THSD4: variants seen among roughly 807,000 people sequenced by gnomAD.
THSD4 encodes the protein thrombospondin type 1 domain containing 4, also known as thrombospondin type-1 domain-containing protein 4.
A neutral mutation model predicts 119.0 loss-of-function variants in THSD4; 69 were observed. That is an observed-to-expected ratio of 0.58 (90% CI 0.48 to 0.71). THSD4 has a LOEUF of 0.71. Ranked by LOEUF, THSD4 falls within the 30% of genes least tolerant of loss-of-function variation. The pLI is 0.00. For missense variants in THSD4, 1,393 were observed against 1,391.1 expected (o/e 1.00, Z -0.02); for synonymous variants, 524 against 540.4 (o/e 0.97, Z 0.42).
chr15:71,563,319 T>G (rs1316901197), intron 7 of THSD4, among the ~76,000 whole-genome samples: 1 of 152,154 alleles, frequency 6.6e-6, no homozygotes. Context: ...AAATCTCGGA[T>G]AGTAAAGACT....
At chr15:71,346,124 C>CTT (rs931876563) in intron 6 of THSD4, among the ~76,000 whole-genome samples, 3 of 87,180 alleles carry the variant, frequency 3.4e-5, no homozygotes, top group African/African-American at 1.0e-4. Context: ...GTTGTCGCAT[C>CTT]TCTGGTCTCC....
At chr15:71,698,298 ACT>A (rs941903155) in intron 8 of THSD4, among the ~76,000 whole-genome samples, 12 of 152,058 alleles carry the variant, frequency 7.9e-5, no homozygotes, top group Non-Finnish European at 1.8e-4. Flanking sequence ...AGAAGAATAA[ACT>A]CTATTAGAGT....
intron 2 of THSD4, among the ~76,000 whole-genome samples, chr15:71,142,139 G>A (rs1169295952): frequency 6.6e-6 from 1 of 152,116 alleles, no homozygotes; most frequent in Non-Finnish European, 1.5e-5. Context: ...GACTGAATCT[G>A]GTATTTTAAA....
Position 71,765,087 on chromosome 15 carries a change from C to T in THSD4, c.2657C>T (p.Thr886Ile), listed in dbSNP as rs1474783358. The change falls in exon 16 of 18, where the codon ACC (threonine) becomes ATC (isoleucine). Residue 886 changes from threonine (T) to isoleucine (I), a missense_variant. Physicochemically the swap from Thr to Ile is moderately conservative, Grantham distance 89 (BLOSUM62 -1). Transcript: ENST00000261862. ...EVICVRKNAD[T>I]FEVLDPSECS... Reference sequence around the variant, plus strand: ...ATTTGTGTTAGAAAGAATGCAGACACCTTTGAAGTGTTGGACCCCTCTGAA... The same window carrying T: ...ATTTGTGTTAGAAAGAATGCAGACATCTTTGAAGTGTTGGACCCCTCTGAA... 1 of 1,614,258 alleles carries T rather than the reference C, an allele frequency of 6.2e-7. No homozygotes were observed.
chr15:71,225,539 C>A (rs201997681), intron 4 of THSD4, among the ~76,000 whole-genome samples: 1 of 105,368 alleles, frequency 9.5e-6, no homozygotes, highest in Non-Finnish European at 2.0e-5. Flanking sequence ...TTTTCTTTTT[C>A]TTTTTTTTTT....
At chr15:71,107,824 G>A (rs140660776) in intron 1 of THSD4, among the ~76,000 whole-genome samples, 192 of 152,322 alleles carry the variant, frequency 1.3e-3, no homozygotes, top group Non-Finnish European at 2.2e-3. Context: ...TCCCCCTTGA[G>A]AGAATTCAGC....
chr15:71,754,846 T>C (rs937957281), intron 14 of THSD4, among the ~76,000 whole-genome samples: 3 of 152,104 alleles, frequency 2.0e-5, no homozygotes, highest in Non-Finnish European at 2.9e-5. Context: ...AGGGATTATA[T>C]ACCATTTTAA....
In THSD4 at chr15:71,511,157, C is replaced by T. The variant is rs541974487; in HGVS notation, c.1152+99334C>T. 3.2e-3 allele frequency among the ~76,000 whole-genome samples: 484 copies of T among 152,102 alleles called. 6 individuals are homozygous for T. Among genetic ancestry groups the T allele is most frequent in the South Asian group, 0.016 (77 of 4,812 alleles). On this transcript the variant is annotated intron_variant, in intron 7 of 17. Coordinates refer to ENST00000261862, the MANE Select transcript of THSD4 (RefSeq NM_024817.3). ...GGAAAGGGCACCAAATAATGGGAAA[C>T]AGAGAGAACAAAGAGGAAGGGGGAA...
At chr15:71,743,437 C>T (rs1567131265) in intron 11 of THSD4, among the ~76,000 whole-genome samples, 1 of 152,170 alleles carries the variant, frequency 6.6e-6, no homozygotes, top group Non-Finnish European at 1.5e-5. Context: ...TAGCCGGGTC[C>T]CACTGCAAGC....
intron 7 of THSD4, among the ~76,000 whole-genome samples, chr15:71,599,381 A>T (rs995911486): frequency 2.0e-5 from 3 of 152,046 alleles, no homozygotes; most frequent in Admixed American, 6.6e-5. Context: ...TTCCTGTCTA[A>T]CTATTTTTTC....
chr15:71,098,943 C>A (rs962654178), intron 1 of THSD4, among the ~76,000 whole-genome samples: 2 of 152,156 alleles, frequency 1.3e-5, no homozygotes, highest in Non-Finnish European at 2.9e-5. Context: ...CTGATCCAAT[C>A]AAACTTGCTT....
intron 7 of THSD4, among the ~76,000 whole-genome samples, chr15:71,528,029 A>C (rs558193078): frequency 6.6e-6 from 1 of 152,154 alleles, no homozygotes; most frequent in South Asian, 2.1e-4. Flanking sequence ...TAAACTCTTC[A>C]TGTCTTGCCT....
In THSD4 at chr15:71,442,587, T is replaced by A. The variant is rs1334789460; in HGVS notation, c.1152+30764T>A. Among the ~76,000 whole-genome samples, 144 of 30,122 alleles carry A rather than the reference T, an allele frequency of 4.8e-3. 17 individuals carry two copies. Among genetic ancestry groups the A allele is most frequent in the African/African-American group, 8.1e-3 (108 of 13,346 alleles). 19.8% of individuals were successfully genotyped at this position (30,122 alleles called of 152,430 possible). A position where few individuals can be genotyped will look rare whatever the true frequency, so the allele number is the denominator to read the frequency against. Reference sequence around the variant, plus strand: ...CCATCTCAAAAAAAAAAAATATATATATATATATATATATGTGTGTGTGTG... The same window carrying A: ...CCATCTCAAAAAAAAAAAATATATAAATATATATATATATGTGTGTGTGTG... On this transcript the variant is annotated intron_variant, in intron 7 of 17. Coordinates refer to ENST00000261862, the MANE Select transcript of THSD4 (RefSeq NM_024817.3).
chr15:71,188,876 G>A (rs1441872448), intron 3 of THSD4: 4 of 152,612 alleles, frequency 2.6e-5, no homozygotes, highest in Non-Finnish European at 5.9e-5. Context: ...GGGAGTGAGT[G>A]ACTCGCCACA....
At chr15:71,765,291 G>T in intron 16 of THSD4, 92 bp downstream of exon 16, 1 of 1,426,156 alleles carries the variant, frequency 7.0e-7, no homozygotes, top group Non-Finnish European at 9.3e-7. Flanking sequence ...ACTGGGTTCA[G>T]CCCTGAAAGA....
Position 71,747,045 on chromosome 15 carries a change from A to G in THSD4, c.2241+3A>G. The G allele has an allele frequency of 6.3e-7, 1 of 1,599,792 alleles. No individual in the cohort carries two copies. Among genetic ancestry groups the G allele is most frequent in the Non-Finnish European group, 8.5e-7 (1 of 1,175,684 alleles). ...AGATCCGGACCGACTGGACCTCGGT[A>G]CGCAGGCAGGGCAGCCCGCTCTGCA... On this transcript the variant is annotated splice_donor_region_variant and intron_variant, in intron 13 of 17. Coordinates refer to ENST00000261862, the MANE Select transcript of THSD4 (RefSeq NM_024817.3).
chr15:71,182,311 A>G (rs911071088), intron 3 of THSD4, among the ~76,000 whole-genome samples: 1 of 151,802 alleles, frequency 6.6e-6, no homozygotes, highest in Admixed American at 6.6e-5. Flanking sequence ...ATTGAAAAAT[A>G]AATACATTAT....
At chr15:71,670,693 T>G (rs1045745330) in intron 8 of THSD4, among the ~76,000 whole-genome samples, 2 of 151,692 alleles carry the variant, frequency 1.3e-5, no homozygotes, top group Admixed American at 6.6e-5. Context: ...CCCCATCCTG[T>G]GTCCAAGTGT....
Position 71,155,778 on chromosome 15 carries a change from C to T in THSD4, c.99+846C>T, listed in dbSNP as rs1207036476. ...GGAGTCATGATCTTCAGTAGAGGGA[C>T]GCAGTCACTGCCAACTGATGGCCGG... On this transcript the variant is annotated intron_variant, in intron 3 of 17. Coordinates refer to ENST00000261862, the MANE Select transcript of THSD4 (RefSeq NM_024817.3). Among the ~76,000 whole-genome samples the T allele has an allele frequency of 2.6e-5, 4 of 152,112 alleles. No homozygotes were observed. The East Asian group carries it at 5.8e-4, about 22-fold the overall frequency.
Sources: gnomAD v4.1 joint callset for allele counts (sites outside exome capture counted in the v4.1 genomes callset) on GRCh38, gnomAD v4.1.1 for gene constraint, MANE v1.5 for transcripts, NCBI Gene and HGNC (gene_info 2026-07-23, HGNC 2026-07-21) for gene names.